The following PARD3B variants were observed in gnomAD, a reference collection of about 807,000 sequenced individuals.
The protein encoded by PARD3B is partitioning defective 3 homolog B.
A neutral mutation model predicts 130.2 loss-of-function variants in PARD3B; 103 were observed. The ratio of observed to expected loss-of-function variants is 0.79; its 90% CI spans 0.67 to 0.93. The LOEUF is 0.93. Among genes scored for constraint, PARD3B ranks in the 40% least tolerant of loss-of-function variants. PARD3B has a pLI of 0.00. For missense variants in PARD3B, 1,609 were observed against 1,499.2 expected (o/e 1.07, Z -1.21); for synonymous variants, 583 against 553.2 (o/e 1.05, Z -0.76).
chr2:205,425,297 A>G (rs1251255279), intron 19 of PARD3B, among the ~76,000 whole-genome samples: 1 of 152,220 alleles, frequency 6.6e-6, no homozygotes, highest in East Asian at 1.9e-4. Context: ...TGTCTACATT[A>G]TGAGAATAGA....
Position 205,463,172 on chromosome 2 carries a change from A to G in PARD3B, c.3044+22500A>G, listed in dbSNP as rs2048508386. On this transcript the variant is annotated intron_variant, in intron 20 of 22. Transcript: ENST00000406610. The surrounding 1 kb of genome is among the most constrained non-coding windows in gnomAD (Gnocchi z 4.8). ...AAAAAAATGTGTTGCTGATTTTGTC[A>G]TTTCTGAATGCCTAGAACTAAGGAA... Among the ~76,000 whole-genome samples the G allele has an allele frequency of 6.6e-6, 1 of 152,188 alleles. No individual in the cohort carries two copies.
chr2:205,555,494 AT>A lies in PARD3B; in HGVS notation c.3260+2092del, dbSNP rs2052841288. 2.0e-5 allele frequency among the ~76,000 whole-genome samples: 3 copies of A among 152,320 alleles called. No individual in the cohort carries two copies. The East Asian group carries it at 5.8e-4, about 29-fold the overall frequency. On this transcript the variant is annotated intron_variant, in intron 22 of 22. Transcript: ENST00000406610. ...TCGCTAATCCCCGAAATACTCACTC[AT>A]GGCTGACTCTAAACAAGTATATTTT... is the stretch of plus-strand genomic sequence containing the variant.
At chr2:204,644,967 G>C (rs1025284215) in intron 1 of PARD3B, among the ~76,000 whole-genome samples, 1 of 151,932 alleles carries the variant, frequency 6.6e-6, no homozygotes, top group South Asian at 2.1e-4. Context: ...AGAGATACTC[G>C]ATGAAAGTTG....
In PARD3B at chr2:205,397,370, T is replaced by C. The variant is rs1026018069; in HGVS notation, c.2631-3643T>C. 6.6e-6 allele frequency among the ~76,000 whole-genome samples: 1 copy of C among 152,242 alleles called. No homozygotes were observed. The highest frequency in any genetic ancestry group is 2.4e-5 in the African/African-American group (1 of 41,474). ...GTAGAATTGCTTGATTTGACTGTTA[T>C]TGGCAGTTCTTGCTAAGAAGAAAAT... On this transcript the variant is annotated intron_variant, in intron 18 of 22. Coordinates refer to ENST00000406610, the MANE Select transcript of PARD3B (RefSeq NM_001302769.2). This position sits in a 1 kb window ranked among gnomAD's most constrained non-coding sequence, Gnocchi z 4.8.
At chr2:205,083,673 G>A (rs1410830295) in intron 4 of PARD3B, among the ~76,000 whole-genome samples, 1 of 150,886 alleles carries the variant, frequency 6.6e-6, no homozygotes, top group Non-Finnish European at 1.5e-5. Flanking sequence ...AAATGTGGCT[G>A]TATTTTCTAT....
chr2:204,616,635 G>A (rs1266981667), intron 1 of PARD3B, among the ~76,000 whole-genome samples: 1 of 152,170 alleles, frequency 6.6e-6, no homozygotes, highest in Non-Finnish European at 1.5e-5. Context: ...CAAAGGAGTT[G>A]AAAACTTATG....
chr2:204,549,541 C>T (rs2030288239), intron 1 of PARD3B, among the ~76,000 whole-genome samples: 1 of 152,130 alleles, frequency 6.6e-6, no homozygotes, highest in Non-Finnish European at 1.5e-5. Context: ...TGTGTCCCTT[C>T]CCCCAAGATT....
At chr2:205,058,855 A>G (rs1699893717) in intron 4 of PARD3B, among the ~76,000 whole-genome samples, 1 of 151,946 alleles carries the variant, frequency 6.6e-6, no homozygotes, top group African/African-American at 2.4e-5. Context: ...CTTATCAGAT[A>G]TATGATTTGA....
chr2:204,600,723 T>C (rs1438663534), intron 1 of PARD3B, among the ~76,000 whole-genome samples: 2 of 151,902 alleles, frequency 1.3e-5, no homozygotes, highest in Non-Finnish European at 2.9e-5. Flanking sequence ...GGTTTCAGTT[T>C]TTAAAAGTAA....
chr2:204,918,537 G>A (rs909045173), intron 2 of PARD3B, among the ~76,000 whole-genome samples: 1 of 150,792 alleles, frequency 6.6e-6, no homozygotes, highest in African/African-American at 2.4e-5. Context: ...GGCTGAGGCA[G>A]GAGAATGGCG....
At chr2:205,086,819 A>G (rs1272505753) in intron 4 of PARD3B, among the ~76,000 whole-genome samples, 1 of 152,170 alleles carries the variant, frequency 6.6e-6, no homozygotes, top group Non-Finnish European at 1.5e-5. Flanking sequence ...GGTGGGTGTG[A>G]CTCATCTGCA....
intron 15 of PARD3B, among the ~76,000 whole-genome samples, chr2:205,211,525 AACG>A (rs1295297919): frequency 6.9e-6 from 1 of 145,676 alleles, no homozygotes; most frequent in African/African-American, 2.7e-5. Context: ...GAGGTAAATA[AACG>A]ATAATAACGC....
At chr2:204,868,280 C>T (rs979634677) in intron 2 of PARD3B, among the ~76,000 whole-genome samples, 3 of 152,104 alleles carry the variant, frequency 2.0e-5, no homozygotes, top group African/African-American at 7.2e-5. Flanking sequence ...GTGTGCTGTA[C>T]TTTTAAATCT....
chr2:204,711,475 CTG>C (rs550800202), intron 2 of PARD3B, among the ~76,000 whole-genome samples: 83 of 152,156 alleles, frequency 5.5e-4, no homozygotes, highest in African/African-American at 1.8e-3. Context: ...TATGTGATCT[CTG>C]TGTTATGTCT....
At chr2:205,065,060 A>G (rs1003679429) in intron 4 of PARD3B, among the ~76,000 whole-genome samples, 8 of 152,202 alleles carry the variant, frequency 5.3e-5, no homozygotes, top group African/African-American at 1.4e-4. Context: ...CTCCAGTGTA[A>G]TAACAGCATG....
At chr2:205,062,102 G>A (rs1428235511) in intron 4 of PARD3B, among the ~76,000 whole-genome samples, 2 of 151,918 alleles carry the variant, frequency 1.3e-5, no homozygotes, top group African/African-American at 4.8e-5. Context: ...TGTTTACAGG[G>A]TGGATATCTT....
intron 2 of PARD3B, among the ~76,000 whole-genome samples, chr2:204,937,946 G>A (rs983197349): frequency 6.6e-6 from 1 of 152,160 alleles, no homozygotes; most frequent in Admixed American, 6.5e-5. Context: ...GAAAACTCAG[G>A]GTTATAGTCA....
At chr2:204,735,817 G>A (rs1417199475) in intron 2 of PARD3B, among the ~76,000 whole-genome samples, 9 of 152,112 alleles carry the variant, frequency 5.9e-5, no homozygotes, top group African/African-American at 2.2e-4. Context: ...TTGGCACCTT[G>A]CTTTGATGCG....
intron 2 of PARD3B, among the ~76,000 whole-genome samples, chr2:204,698,716 A>G (rs1310816686): frequency 6.6e-6 from 1 of 152,060 alleles, no homozygotes; most frequent in African/African-American, 2.4e-5. Flanking sequence ...TAGCCTTTTT[A>G]GATACTTAAA....
Sources: gnomAD v4.1 joint callset for allele counts (sites outside exome capture counted in the v4.1 genomes callset) on GRCh38, gnomAD v4.1.1 for gene constraint, Gnocchi (gnomAD v3.1) non-coding constraint, MANE v1.5 for transcripts, NCBI Gene and HGNC (gene_info 2026-07-23, HGNC 2026-07-21) for gene names.